Variants in INO80 observed in about 807,000 individuals in gnomAD.
INO80 encodes INO80 complex ATPase subunit.
In INO80, 20 loss-of-function variants were observed where a neutral mutation model predicts 203.4. That is an observed-to-expected ratio of 0.10 (90% CI 0.07 to 0.14). INO80 has a LOEUF of 0.14. INO80 is among the 10% of genes least tolerant of loss of function. The pLI is 1.00. For missense variants in INO80, 1,419 were observed against 1,914.4 expected (o/e 0.74, Z 4.83); for synonymous variants, 726 against 685.2 (o/e 1.06, Z -0.93).
chr15:41,115,098 G>A lies in INO80; in HGVS notation c.-44+875C>T, dbSNP rs1436440962. Among the ~76,000 whole-genome samples the A allele has an allele frequency of 3.3e-5, 5 of 152,300 alleles. No homozygotes were observed. In the East Asian group the frequency reaches 5.8e-4, roughly 18 times the overall value. ...AAAGCCACAATAATTTTGTTGTGGA[G>A]GAAATAATGAAAGTCACTGACTGGA... On this transcript the variant is annotated intron_variant, in intron 1 of 35. Transcript: ENST00000648947.
At position 41,027,601 on chromosome 15, in the gene INO80, G is replaced by A; in HGVS notation, c.3043C>T (p.Pro1015Ser). 6.2e-7 allele frequency: 1 copy of A among 1,608,712 alleles called. No individual in the cohort carries two copies. Among genetic ancestry groups the A allele is most frequent in the Non-Finnish European group, 8.5e-7 (1 of 1,177,586 alleles). Residue 1015 changes from proline (P) to serine (S), a missense_variant, in exon 25 of 36, where the codon CCA (proline) becomes TCA (serine). Pro to Ser is a moderately conservative substitution (Grantham distance 74). Coordinates refer to ENST00000648947, the MANE Select transcript of INO80 (RefSeq NM_017553.3). The stretch of plus-strand genomic sequence containing the variant: ...TTCCCTCCTGGAGCACTTACTCGTG[G>A]ACTGGCCACACACAAAAAAGATGGC... The part of the protein sequence containing the change: ...ELPSFLCVAS[P>S]RVTAVPLDSY...
chr15:40,998,983 T>TACATACAC (rs1555398154), intron 28 of INO80, among the ~76,000 whole-genome samples: 5 of 140,348 alleles, frequency 3.6e-5, no homozygotes, highest in Non-Finnish European at 7.7e-5. Flanking sequence ...AAGATTTATC[T>TACATACAC]ACACACACAC....
intron 29 of INO80, among the ~76,000 whole-genome samples, chr15:40,990,705 C>T (rs1232011945): frequency 1.3e-5 from 2 of 152,180 alleles, no homozygotes; most frequent in Non-Finnish European, 2.9e-5. Context: ...GACCACACGA[C>T]ATTTTGGTTT....
rs779535947 is a variant in INO80, at chr15:41,055,308, A to G, written c.2127T>C (p.Phe709=). The change falls in exon 18 of 36, where the codon TTT becomes TTC. Residue 709 remains phenylalanine (F), a synonymous_variant. Coordinates refer to ENST00000648947, the MANE Select transcript of INO80 (RefSeq NM_017553.3). The part of the protein sequence containing the change: ...MPTLFDSHEE[F]NEWFSKDIES... ...CAATGTCCTTGGAAAACCATTCATT[A>G]AATTCCTCATGTGAATCAAATAATG... The G allele has an allele frequency of 1.9e-6, 3 of 1,613,342 alleles. No homozygotes were observed. In the African/African-American group the frequency reaches 4.0e-5, roughly 22 times the overall value.
intron 24 of INO80, among the ~76,000 whole-genome samples, chr15:41,041,631 C>CG (rs2044669752): frequency 6.7e-6 from 1 of 149,910 alleles, no homozygotes; most frequent in Non-Finnish European, 1.5e-5. Flanking sequence ...TTAGTAGAGA[C>CG]GGGGTTTCAC....
chr15:41,095,850 T>C lies in INO80; in HGVS notation c.222A>G (p.Glu74=). ...QSGDPLIQVK[E]EPPNSLLGET... ...CACCAAGCAATGAATTTGGAGGTTC[T>C]TCCTTAACTTGTATTAAGGGATCCC... The change falls in exon 3 of 36, where the codon GAA becomes GAG. Residue 74 remains glutamate (E), a synonymous_variant. Transcript: ENST00000648947. The C allele has an allele frequency of 6.2e-7, 1 of 1,614,106 alleles. No individual in the cohort carries two copies.
intron 5 of INO80, among the ~76,000 whole-genome samples, chr15:41,089,468 G>T (rs1181046329): frequency 6.6e-6 from 1 of 152,082 alleles, no homozygotes; most frequent in African/African-American, 2.4e-5. Flanking sequence ...TAGTCAGAAG[G>T]CGGCTGGGCG....
intron 24 of INO80, among the ~76,000 whole-genome samples, chr15:41,038,273 G>C (rs976508010): frequency 5.3e-5 from 8 of 151,816 alleles, no homozygotes; most frequent in Admixed American, 2.0e-4. Flanking sequence ...GCCTCCCAAA[G>C]TGCTGGGATT....
At chr15:41,077,199 G>A (rs561631841) in intron 9 of INO80, among the ~76,000 whole-genome samples, 9 of 146,118 alleles carry the variant, frequency 6.2e-5, no homozygotes, top group African/African-American at 1.3e-4. Flanking sequence ...GAGCCACCGC[G>A]CCCAGCCTTG....
chr15:41,046,774 C>T (rs2044774993), intron 23 of INO80, among the ~76,000 whole-genome samples: 1 of 150,742 alleles, frequency 6.6e-6, no homozygotes, highest in African/African-American at 2.4e-5. Context: ...TGTACCACCA[C>T]ACCCAGCTAA....
intron 34 of INO80, 36 bp downstream of exon 34, chr15:40,983,726 G>T (rs757968656): frequency 1.2e-6 from 2 of 1,602,250 alleles, no homozygotes; most frequent in South Asian, 1.1e-5. Context: ...CTGGGCAGTG[G>T]ACCAGGCCCA....
In INO80 at chr15:41,031,991, A is replaced by G. The variant is rs1223080912; in HGVS notation, c.2908-4255T>C. Among the ~76,000 whole-genome samples the G allele has an allele frequency of 4.9e-5, 4 of 82,344 alleles. 1 individual carries two copies. The highest frequency in any genetic ancestry group is 9.1e-4 in the South Asian group (2 of 2,190). The allele number at this position is 82,344 out of a possible 152,430, so 54.0% of individuals were successfully genotyped here. A position where few individuals can be genotyped will look rare whatever the true frequency, so the allele number is the denominator to read the frequency against. On this transcript the variant is annotated intron_variant, in intron 24 of 35. Transcript: ENST00000648947. ...AGCACAGCACAGCACAGCACAGCACAGCACAGGACAGCACAGCACAGCACA... is the reference window on the plus strand; with the variant it reads ...AGCACAGCACAGCACAGCACAGCACGGCACAGGACAGCACAGCACAGCACA...
intron 1 of INO80, among the ~76,000 whole-genome samples, chr15:41,113,416 G>A (rs770905927): frequency 2.0e-5 from 3 of 151,920 alleles, no homozygotes; most frequent in Non-Finnish European, 2.9e-5. Context: ...ACAGGTGCGC[G>A]CCACCACGCC....
chr15:41,086,482 C>T (rs2045567106), intron 6 of INO80, among the ~76,000 whole-genome samples: 1 of 152,018 alleles, frequency 6.6e-6, no homozygotes, highest in Admixed American at 6.6e-5. Context: ...GAAACCCCAT[C>T]TCTACTAAAA....
chr15:41,067,565 A>G (rs2045242579), intron 14 of INO80, among the ~76,000 whole-genome samples: 2 of 152,204 alleles, frequency 1.3e-5, no homozygotes, highest in South Asian at 2.1e-4. Context: ...ATTAAAAGCT[A>G]TATATCCTAA....
At chr15:41,077,900 C>T (rs929713460) in intron 9 of INO80, among the ~76,000 whole-genome samples, 8 of 149,822 alleles carry the variant, frequency 5.3e-5, no homozygotes, top group African/African-American at 2.0e-4. Context: ...AAAAGAATAA[C>T]ATCTTTTTTT....
chr15:41,058,234 G>A (rs1169892738), intron 16 of INO80, among the ~76,000 whole-genome samples: 1 of 152,178 alleles, frequency 6.6e-6, no homozygotes, highest in Non-Finnish European at 1.5e-5. Flanking sequence ...TTCTTGAACA[G>A]GGAGATAAAA....
chr15:40,997,420 GAC>G (rs2043894752), intron 29 of INO80, 107 bp downstream of exon 29: 1 of 729,306 alleles, frequency 1.4e-6, no homozygotes, highest in Admixed American at 2.3e-5. Context: ...GCAAGTTTGT[GAC>G]ACAAAAGCAA....
chr15:41,001,017 T>C (rs1314865027), intron 28 of INO80, among the ~76,000 whole-genome samples: 2 of 152,194 alleles, frequency 1.3e-5, no homozygotes, highest in Non-Finnish European at 2.9e-5. Flanking sequence ...TGGGTTCTTA[T>C]AATCAAAGAA....
Sources: allele counts gnomAD v4.1 joint callset (sites outside exome capture counted in the v4.1 genomes callset), GRCh38; gene constraint gnomAD v4.1.1; transcripts MANE v1.5; gene names NCBI Gene and HGNC (gene_info 2026-07-23, HGNC 2026-07-21).